CCDC102B: variants seen among roughly 807,000 people sequenced by gnomAD.
The protein encoded by CCDC102B is coiled-coil domain containing 102B.
In CCDC102B, 75 loss-of-function variants were observed where a neutral mutation model predicts 57.4. The ratio of observed to expected loss-of-function variants is 1.31; its 90% CI spans 1.08 to 1.58. The LOEUF (loss-of-function observed/expected upper bound fraction) is 1.58, where lower values mean the gene tolerates loss of function less well. Among genes scored for constraint, CCDC102B ranks in the 40% most tolerant of loss-of-function variants. CCDC102B has a pLI of 0.00. For missense variants in CCDC102B, 636 were observed against 582.6 expected (o/e 1.09, Z -0.94); for synonymous variants, 206 against 201.9 (o/e 1.02, Z -0.17).
chr18:69,014,202 A>G (rs1263598917), intron 7 of CCDC102B, among the ~76,000 whole-genome samples: 11 of 152,228 alleles, frequency 7.2e-5, no homozygotes. Flanking sequence ...GTGAGCTTCT[A>G]GTCTGGGCTA....
intron 2 of CCDC102B, among the ~76,000 whole-genome samples, chr18:68,765,538 T>C (rs977792785): frequency 3.3e-5 from 5 of 151,686 alleles, no homozygotes; most frequent in Non-Finnish European, 2.9e-5. Context: ...AAAGAGAAAA[T>C]AAGTGGAAGC....
chr18:68,835,829 A>G (rs1343100689), intron 1 of CCDC102B, among the ~76,000 whole-genome samples: 1 of 152,162 alleles, frequency 6.6e-6, no homozygotes, highest in Non-Finnish European at 1.5e-5. Context: ...GAGGAAAGAG[A>G]GTTCCTCATT....
At chr18:68,733,237 G>T (rs1245067291) in intron 2 of CCDC102B, among the ~76,000 whole-genome samples, 2 of 152,008 alleles carry the variant, frequency 1.3e-5, no homozygotes, top group Non-Finnish European at 2.9e-5. Flanking sequence ...TGGAGAATAA[G>T]ACTGCTGATT....
intron 5 of CCDC102B, among the ~76,000 whole-genome samples, chr18:68,894,003 C>T (rs2040163038): frequency 6.6e-6 from 1 of 152,012 alleles, no homozygotes; most frequent in South Asian, 2.1e-4. Context: ...CTGTGCTTTT[C>T]TGCCTTATTA....
intron 7 of CCDC102B, among the ~76,000 whole-genome samples, chr18:69,032,140 T>C (rs547906831): frequency 6.6e-6 from 1 of 152,308 alleles, no homozygotes; most frequent in African/African-American, 2.4e-5. Flanking sequence ...GTTTTTTTGA[T>C]GCTGAATTTC....
At chr18:68,899,526 G>C (rs548356965) in intron 6 of CCDC102B, among the ~76,000 whole-genome samples, 1 of 152,064 alleles carries the variant, frequency 6.6e-6, no homozygotes, top group East Asian at 1.9e-4. Flanking sequence ...GTGCTAGCAT[G>C]TAAGGGACAC....
chr18:69,038,821 G>T (rs1450361633), intron 7 of CCDC102B, among the ~76,000 whole-genome samples: 1 of 151,770 alleles, frequency 6.6e-6, no homozygotes, highest in African/African-American at 2.4e-5. Context: ...TGCATTAAAG[G>T]CATTATATAA....
intron 2 of CCDC102B, among the ~76,000 whole-genome samples, chr18:68,726,207 G>A (rs915454086): frequency 6.6e-6 from 1 of 152,122 alleles, no homozygotes; most frequent in Admixed American, 6.6e-5. Flanking sequence ...TTCTTCCTCC[G>A]ACTGAGTGAA....
rs550817682 is a variant in CCDC102B, at chr18:69,017,281, A to T, written c.1434+6177A>T. Among the ~76,000 whole-genome samples the T allele has an allele frequency of 4.0e-5, 6 of 151,160 alleles. No homozygotes were observed. In the South Asian group the frequency reaches 1.1e-3, roughly 27 times the overall value. ...TAGGTGCTTGCCACCATGCCTGGCTATTTTTTTTGTGTGTGTGTTTTTCTG... is the reference window on the plus strand; with the variant it reads ...TAGGTGCTTGCCACCATGCCTGGCTTTTTTTTTTGTGTGTGTGTTTTTCTG... On this transcript the variant is annotated intron_variant, in intron 7 of 7. Coordinates refer to ENST00000360242, the MANE Select transcript of CCDC102B (RefSeq NM_024781.3).
At chr18:68,788,837 T>C (rs890567797) in intron 2 of CCDC102B, among the ~76,000 whole-genome samples, 1 of 152,088 alleles carries the variant, frequency 6.6e-6, no homozygotes, top group Non-Finnish European at 1.5e-5. Context: ...ACATTTAAAG[T>C]TAATATTGTT....
At chr18:68,955,057 C>T (rs3905374) in intron 6 of CCDC102B, among the ~76,000 whole-genome samples, 15,425 of 152,216 alleles carry the variant, frequency 0.1, 836 homozygotes, top group African/African-American at 0.13. Flanking sequence ...TTGTCACTCA[C>T]TCTTCCTGAA....
intron 6 of CCDC102B, among the ~76,000 whole-genome samples, chr18:68,993,665 AAC>A (rs938084169): frequency 6.6e-6 from 1 of 152,230 alleles, no homozygotes; most frequent in African/African-American, 2.4e-5. Flanking sequence ...ATGAAAGTCT[AAC>A]TAGTTAATCT....
upstream of CCDC102B, among the ~76,000 whole-genome samples, chr18:68,797,089 G>A (rs1599474734): frequency 2.0e-5 from 3 of 152,136 alleles, no homozygotes; most frequent in Non-Finnish European, 2.9e-5. Context: ...AACGTTCAAA[G>A]ATAGAGGAGA....
upstream of CCDC102B, among the ~76,000 whole-genome samples, chr18:68,793,590 T>TATCC (rs10628588): frequency 0.42 from 63,277 of 149,098 alleles, 13,861 homozygotes; most frequent in Non-Finnish European, 0.48. Flanking sequence ...GTTCATAGAA[T>TATCC]ATCCATCCAT....
intron 6 of CCDC102B, among the ~76,000 whole-genome samples, chr18:68,984,175 G>T (rs1422566460): frequency 7.3e-6 from 1 of 136,108 alleles, no homozygotes; most frequent in Non-Finnish European, 1.6e-5. Flanking sequence ...ATGCTCAAAA[G>T]AAAAAAAAAA....
chr18:69,036,977 ATGTATGT>A (rs1259853799), intron 7 of CCDC102B, among the ~76,000 whole-genome samples: 1 of 151,862 alleles, frequency 6.6e-6, no homozygotes, highest in African/African-American at 2.4e-5. Flanking sequence ...CAATGAAGCT[ATGTATGT>A]TGTATGTTGT....
At chr18:69,014,856 C>T (rs1016550959) in intron 7 of CCDC102B, among the ~76,000 whole-genome samples, 1 of 151,674 alleles carries the variant, frequency 6.6e-6, no homozygotes, top group African/African-American at 2.4e-5. Context: ...ATGTTTGGAA[C>T]GTTGCTTGGG....
intron 6 of CCDC102B, among the ~76,000 whole-genome samples, chr18:68,975,380 A>ATATATGTGAACTTTCATTC (rs1222057456): frequency 6.6e-6 from 1 of 152,072 alleles, no homozygotes; most frequent in African/African-American, 2.4e-5. Flanking sequence ...GCAATTTATT[A>ATATATGTGAACTTTCATTC]TATATGTGAA....
chr18:69,006,956 C>T (rs2051367756), intron 6 of CCDC102B, among the ~76,000 whole-genome samples: 1 of 152,070 alleles, frequency 6.6e-6, no homozygotes, highest in Non-Finnish European at 1.5e-5. Context: ...TTGCATAGCT[C>T]TCTGATACTA....
Sources: allele counts gnomAD v4.1 joint callset (sites outside exome capture counted in the v4.1 genomes callset), GRCh38; gene constraint gnomAD v4.1.1; transcripts MANE v1.5; gene names NCBI Gene and HGNC (gene_info 2026-07-23, HGNC 2026-07-21).